GCSAML: variants seen among roughly 807,000 people sequenced by gnomAD.
The protein encoded by GCSAML is germinal center-associated signaling and motility-like protein.
A neutral mutation model predicts 13.0 loss-of-function variants in GCSAML; 9 were observed. The ratio of observed to expected loss-of-function variants is 0.69; its 90% confidence interval spans 0.42 to 1.21. The LOEUF (loss-of-function observed/expected upper bound fraction) is 1.21. Ranked by LOEUF, GCSAML falls within the 50% of genes most tolerant of loss-of-function variation. The pLI is 0.00. For synonymous variants in GCSAML, 37 were observed against 52.9 expected, an observed-to-expected ratio of 0.70 and a Z score of 1.31; for missense variants, 143 against 153.4, an observed-to-expected ratio of 0.93 and a Z score of 0.36.
At chr1:247,517,884 C>T (rs1042934170) in intron 1 of GCSAML, among the ~76,000 whole-genome samples, 3 of 152,152 alleles carry the variant, frequency 2.0e-5, no homozygotes, top group African/African-American at 4.8e-5. Flanking sequence ...AATGAGAGCT[C>T]GCGGGGTGAC....
rs1393527809 is a variant in GCSAML, at chr1:247,577,614, T to A, written c.*3232T>A. The A allele has an allele frequency of 1.3e-5, 2 of 152,200 alleles. No individual in the cohort carries two copies. Among genetic ancestry groups the A allele is most frequent in the African/African-American group, 4.8e-5 (2 of 41,460 alleles). The allele number at this position is 152,200 out of a possible 1,614,324, so 9.4% of individuals were successfully genotyped here. ...TATAATTTGTTAATCTAATCACTGA[T>A]GGATATGTAGGATATTTAAGTTTTT... is the stretch of plus-strand genomic sequence containing the variant. On this transcript the variant is annotated 3_prime_UTR_variant, in exon 5 of 5. Transcript: ENST00000366488.
intron 1 of GCSAML, among the ~76,000 whole-genome samples, chr1:247,514,757 C>T (rs868610976): frequency 1.3e-5 from 2 of 152,084 alleles, no homozygotes; most frequent in Non-Finnish European, 1.5e-5. Context: ...TTTGCTTTGT[C>T]GAAGATCAAT....
In GCSAML at chr1:247,513,733, T is replaced by A. The variant is rs149221898; in HGVS notation, c.-263+6500T>A. Among the ~76,000 whole-genome samples the A allele has an allele frequency of 1.5e-4, 23 of 152,244 alleles. No homozygotes were observed. The East Asian group carries it at 3.7e-3, about 24-fold the overall frequency. On this transcript the variant is annotated intron_variant, in intron 1 of 5. Coordinates refer to the GCSAML transcript ENST00000366489. ...CAGTGCACCATTCCTCAGGGCACAG[T>A]CTCTTGTGGCTTCCCTTGGCTAGGG...
At chr1:247,550,170 T>TG (rs1222326059) in intron 1 of GCSAML, among the ~76,000 whole-genome samples, 1 of 152,154 alleles carries the variant, frequency 6.6e-6, no homozygotes, top group Non-Finnish European at 1.5e-5. Context: ...CTCTCTGGAA[T>TG]GGGGGCTTAT....
intron 1 of GCSAML, among the ~76,000 whole-genome samples, chr1:247,511,973 G>A (rs1027036765): frequency 2.0e-5 from 3 of 152,062 alleles, no homozygotes; most frequent in Admixed American, 6.6e-5. Context: ...TGAATGGGAC[G>A]ACTGTGTGTC....
chr1:247,552,882 A>G (rs1667826112), intron 1 of GCSAML, among the ~76,000 whole-genome samples: 1 of 152,062 alleles, frequency 6.6e-6, no homozygotes, highest in African/African-American at 2.4e-5. Flanking sequence ...CAGCCTACCG[A>G]GTAGCTGGGA....
rs1025506403 is a variant in GCSAML at position 247,527,327 on chromosome 1, C to T, written c.-148+273C>T. The T allele has an allele frequency of 3.9e-5, 9 of 229,308 alleles. No homozygotes were observed. Among genetic ancestry groups the T allele is most frequent in the African/African-American group, 2.1e-4 (9 of 43,484 alleles). 14.2% of individuals were successfully genotyped at this position (229,308 alleles called of 1,614,324 possible). On this transcript the variant is annotated intron_variant, in intron 2 of 5. Transcript: ENST00000366489. The surrounding 1 kb of genome is among the most constrained non-coding windows in gnomAD (Gnocchi z 4.6). ...CATAAACTGATGAGGACCTGCACTC[C>T]TGTCCTGAGTTGACACCCAGCCTTG...
chr1:247,571,289 T>C (rs114797405), intron 4 of GCSAML, among the ~76,000 whole-genome samples: 6,487 of 152,314 alleles, frequency 0.043, 178 homozygotes, highest in Non-Finnish European at 0.059. Flanking sequence ...AGTTTCTTCA[T>C]AGTGTCAATG....
intron 2 of GCSAML, among the ~76,000 whole-genome samples, 183 bp from the exon 3 acceptor site, chr1:247,563,407 T>C (rs572669138): frequency 3.3e-4 from 50 of 152,348 alleles, no homozygotes; most frequent in African/African-American, 1.2e-3. Flanking sequence ...CCACTTTTCA[T>C]TGTCTAGATT....
At chr1:247,508,455 T>C (rs1209007551) in intron 1 of GCSAML, among the ~76,000 whole-genome samples, 1 of 152,210 alleles carries the variant, frequency 6.6e-6, no homozygotes, top group African/African-American at 2.4e-5. Flanking sequence ...TGCCATTCTG[T>C]AGGTTGCCTG....
intron 4 of GCSAML, among the ~76,000 whole-genome samples, chr1:247,571,518 A>T (rs1668611275): frequency 6.6e-6 from 1 of 152,182 alleles, no homozygotes; most frequent in Non-Finnish European, 1.5e-5. Context: ...AAGAATGTTG[A>T]ATATTGGCCC....
intron 1 of GCSAML, among the ~76,000 whole-genome samples, chr1:247,514,406 T>C (rs1666145723): frequency 6.6e-6 from 1 of 152,370 alleles, no homozygotes; most frequent in South Asian, 2.1e-4. Context: ...GTGAAGATTT[T>C]CTCCTACTCT....
chr1:247,562,619 C>A (rs971367207), intron 2 of GCSAML, among the ~76,000 whole-genome samples: 1 of 152,140 alleles, frequency 6.6e-6, no homozygotes, highest in African/African-American at 2.4e-5. Context: ...TACTGTGTAC[C>A]TAGCTGTCCT....
rs903572451 is a variant in GCSAML at position 247,526,146 on chromosome 1, A to G, written c.-262-794A>G. 3 of 152,198 alleles carry G rather than the reference A, an allele frequency of 2.0e-5. No individual in the cohort carries two copies. The highest frequency in any genetic ancestry group is 4.4e-5 in the Non-Finnish European group (3 of 68,040). 9.4% of individuals were successfully genotyped at this position (152,198 alleles called of 1,614,324 possible). ...GCACAGCATGTGTTGAGATGAGAAA[A>G]TATCTGTGATCTATTAAGTGAATTT... On this transcript the variant is annotated intron_variant, in intron 1 of 5. Coordinates refer to the GCSAML transcript ENST00000366489. The surrounding 1 kb of genome is among the most constrained non-coding windows in gnomAD (Gnocchi z 4.8).
chr1:247,552,570 A>G (rs1667811898), intron 1 of GCSAML, among the ~76,000 whole-genome samples: 1 of 152,206 alleles, frequency 6.6e-6, no homozygotes, highest in African/African-American at 2.4e-5. Flanking sequence ...TGTCCATCAC[A>G]TACCCTCTTT....
intron 2 of GCSAML, chr1:247,529,021 G>A (rs894964575): frequency 7.2e-5 from 11 of 152,134 alleles, no homozygotes; most frequent in African/African-American, 2.4e-4. Context: ...AAGCAGGGAT[G>A]GAAACTATGA....
upstream of GCSAML, among the ~76,000 whole-genome samples, chr1:247,546,997 G>T (rs980291991): frequency 6.6e-6 from 1 of 151,804 alleles, no homozygotes; most frequent in Admixed American, 6.6e-5. Context: ...CAGCTACTTG[G>T]GGGATGAGGA....
intron 1 of GCSAML, among the ~76,000 whole-genome samples, chr1:247,515,503 A>G (rs921411648): frequency 4.6e-5 from 7 of 152,206 alleles, no homozygotes; most frequent in African/African-American, 1.7e-4. Context: ...TAATAGATGT[A>G]GTGTATCATT....
chr1:247,521,078 GAAAT>G (rs142119095), intron 1 of GCSAML, among the ~76,000 whole-genome samples: 1,951 of 150,150 alleles, frequency 0.013, 40 homozygotes, highest in African/African-American at 0.043. Context: ...ATTCTGTGGT[GAAAT>G]AAATCTTAGA....
Sources: gnomAD v4.1 joint callset for allele counts (sites outside exome capture counted in the v4.1 genomes callset) on GRCh38, gnomAD v4.1.1 for gene constraint, Gnocchi (gnomAD v3.1) non-coding constraint, MANE v1.5 for transcripts, NCBI Gene and HGNC (gene_info 2026-07-23, HGNC 2026-07-21) for gene names.